Variants in DOCK1 observed in about 807,000 individuals in gnomAD.
The protein encoded by DOCK1 is dedicator of cytokinesis 1.
DOCK1 carries 138 observed loss-of-function variants against 262.7 expected under a neutral mutation model. That is an observed-to-expected ratio of 0.53 (90% CI 0.46 to 0.61). DOCK1 has a LOEUF of 0.61. Among genes scored for constraint, DOCK1 ranks in the 20% least tolerant of loss-of-function variants. The pLI, the probability that DOCK1 is intolerant of heterozygous loss-of-function variation, is 0.00. For synonymous variants in DOCK1, 866 were observed against 867.4 expected (o/e 1.00, Z 0.03); for missense variants, 1,908 against 2,370.7 (o/e 0.80, Z 4.05).
chr10:127,278,997 G>A (rs894957905), intron 29 of DOCK1, among the ~76,000 whole-genome samples: 1 of 152,228 alleles, frequency 6.6e-6, no homozygotes, highest in African/African-American at 2.4e-5. Context: ...ACAGTGCCAT[G>A]AACAGTCTGG....
intron 21 of DOCK1, among the ~76,000 whole-genome samples, chr10:127,052,034 G>A (rs538889325): frequency 6.6e-6 from 1 of 152,294 alleles, no homozygotes; most frequent in Admixed American, 6.5e-5. Context: ...TAACCTTGGG[G>A]AAGCTAGTGT....
Position 127,110,274 on chromosome 10 carries a change from A to G in DOCK1, c.2543A>G (p.Asn848Ser), listed in dbSNP as rs61758436. 66 of 1,613,480 alleles carry G rather than the reference A, an allele frequency of 4.1e-5. No individual in the cohort carries two copies. Among genetic ancestry groups the G allele is most frequent in the East Asian group, 1.3e-4 (6 of 44,866 alleles). The change falls in exon 25 of 52, where the codon AAT becomes AGT. Residue 848 changes from asparagine (N) to serine (S), a missense_variant. Asn to Ser is a conservative substitution (Grantham distance 46, BLOSUM62 1). Transcript: ENST00000623213. ...LSKMFTEFIL[N>S]VPMGLLTIQK... ...AAAATGTTTACTGAATTCATCCTCAATGTTCCCATGGGCTTGCTGACCATC... is the reference window on the plus strand; with the variant it reads ...AAAATGTTTACTGAATTCATCCTCAGTGTTCCCATGGGCTTGCTGACCATC...
intron 23 of DOCK1, among the ~76,000 whole-genome samples, chr10:127,072,701 C>G (rs890701978): frequency 6.6e-6 from 1 of 152,148 alleles, no homozygotes; most frequent in Non-Finnish European, 1.5e-5. Context: ...AATCCTAATC[C>G]CTTCTGTTCG....
rs553086798 is a variant in DOCK1 at position 127,042,208 on chromosome 10, C to T, written c.2011-417C>T. 1.8e-4 allele frequency among the ~76,000 whole-genome samples: 27 copies of T among 152,316 alleles called. No homozygotes were observed. The South Asian group carries it at 5.0e-3, about 28-fold the overall frequency. On this transcript the variant is annotated intron_variant, in intron 19 of 51. Coordinates refer to ENST00000623213, the MANE Select transcript of DOCK1 (RefSeq NM_001290223.2). ...GCACCCTGGTTGGTAGAAGGTCCTT[C>T]CTTCCACTCAGCTGGGTCCTGTCCC...
chr10:127,251,051 C>A (rs1434631111), intron 28 of DOCK1, among the ~76,000 whole-genome samples: 1 of 151,986 alleles, frequency 6.6e-6, no homozygotes, highest in Admixed American at 6.6e-5. Context: ...CAACCTCCTC[C>A]TCCAGGGTTC....
intron 11 of DOCK1, among the ~76,000 whole-genome samples, chr10:127,010,090 C>T (rs144062281): frequency 0.013 from 1,951 of 150,040 alleles, 23 homozygotes; most frequent in Non-Finnish European, 0.019. Flanking sequence ...CAACTAGAGG[C>T]AAAGGTCTCT....
At chr10:127,338,501 T>G (rs1194507864) in intron 29 of DOCK1, among the ~76,000 whole-genome samples, 1 of 152,204 alleles carries the variant, frequency 6.6e-6, no homozygotes, top group East Asian at 1.9e-4. Context: ...TGGTCAAAAT[T>G]AGCATGTGGA....
At chr10:127,290,736 T>C (rs962438481) in intron 29 of DOCK1, among the ~76,000 whole-genome samples, 1 of 152,212 alleles carries the variant, frequency 6.6e-6, no homozygotes, top group Non-Finnish European at 1.5e-5. Flanking sequence ...TTGAGGTCCA[T>C]CCAGGTTGTT....
At chr10:127,427,987 C>A (rs907638770) in intron 47 of DOCK1, among the ~76,000 whole-genome samples, 1 of 152,190 alleles carries the variant, frequency 6.6e-6, no homozygotes, top group African/African-American at 2.4e-5. Context: ...GGTGAACAGG[C>A]CTGGAAATCA....
At chr10:126,987,026 G>C (rs971494470) in intron 4 of DOCK1, among the ~76,000 whole-genome samples, 22 of 152,328 alleles carry the variant, frequency 1.4e-4, no homozygotes, top group African/African-American at 5.3e-4. Flanking sequence ...ACATTTGGAA[G>C]CTGTAACCTC....
chr10:126,970,687 CT>C lies in DOCK1; in HGVS notation c.47-9del. The C allele has an allele frequency of 1.2e-6, 2 of 1,600,306 alleles. No individual in the cohort carries two copies. Among genetic ancestry groups the C allele is most frequent in the Non-Finnish European group, 1.7e-6 (2 of 1,167,988 alleles). Reference sequence around the variant, plus strand: ...CTTTACTATTACTAATATATTTCCCCTTTTTTCATCACAGCTTTTTATAACT... The same window carrying C: ...CTTTACTATTACTAATATATTTCCCCTTTTTCATCACAGCTTTTTATAACT... On this transcript the variant is annotated splice_polypyrimidine_tract_variant and intron_variant, in intron 1 of 51. Transcript: ENST00000623213.
chr10:127,241,340 T>A (rs542485593), intron 27 of DOCK1, among the ~76,000 whole-genome samples: 11 of 152,116 alleles, frequency 7.2e-5, no homozygotes, highest in Admixed American at 5.2e-4. Context: ...CAATAATAAT[T>A]ATTATTATTG....
intron 28 of DOCK1, among the ~76,000 whole-genome samples, chr10:127,250,820 A>G (rs201020897): frequency 0.32 from 42,401 of 132,934 alleles, 8,268 homozygotes; most frequent in South Asian, 0.56. Context: ...AAAAAAAAAA[A>G]AATGACGTTT....
At chr10:127,361,995 T>C in intron 32 of DOCK1, 69 bp from the exon 33 acceptor site, 1 of 1,460,322 alleles carries the variant, frequency 6.8e-7, no homozygotes, top group Non-Finnish European at 9.2e-7. Flanking sequence ...TGTGTTGTTT[T>C]ATCCATTTAA....
chr10:127,306,928 C>G lies in DOCK1; in HGVS notation c.3045-32078C>G, dbSNP rs905607139. Among the ~76,000 whole-genome samples the G allele has an allele frequency of 3.3e-5, 5 of 152,110 alleles. No homozygotes were observed. In the East Asian group the frequency reaches 9.7e-4, roughly 29 times the overall value. On this transcript the variant is annotated intron_variant, in intron 29 of 51. Transcript: ENST00000623213. The stretch of plus-strand genomic sequence containing the variant: ...ACATGTATTATGTGCAAAGTGTACC[C>G]GTTAAATTCACCATAATTGAAAGAT...
At position 126,948,317 on chromosome 10, in the gene DOCK1, A is replaced by G. The variant is rs1289308186; in HGVS notation, c.47-22385A>G. Reference sequence around the variant, plus strand: ...GTTGGTAGTATTACTGTTGGTGGTGATGGTGGTGGTTGGTAGTATTACTGT... The same window carrying G: ...GTTGGTAGTATTACTGTTGGTGGTGGTGGTGGTGGTTGGTAGTATTACTGT... On this transcript the variant is annotated intron_variant, in intron 1 of 51. Coordinates refer to ENST00000623213, the MANE Select transcript of DOCK1 (RefSeq NM_001290223.2). 4.7e-3 allele frequency among the ~76,000 whole-genome samples: 16 copies of G among 3,404 alleles called. 4 individuals are homozygous for G. Among genetic ancestry groups the G allele is most frequent in the African/African-American group, 6.8e-3 (4 of 590 alleles). 2.2% of individuals were successfully genotyped at this position (3,404 alleles called of 152,430 possible).
intron 23 of DOCK1, among the ~76,000 whole-genome samples, chr10:127,086,685 A>G (rs886822507): frequency 6.6e-6 from 1 of 152,206 alleles, no homozygotes; most frequent in Non-Finnish European, 1.5e-5. Flanking sequence ...TGGTTCTTAA[A>G]AAGTCCCGTG....
At chr10:127,107,694 C>G (rs778111092) in intron 24 of DOCK1, among the ~76,000 whole-genome samples, 1 of 152,190 alleles carries the variant, frequency 6.6e-6, no homozygotes, top group Non-Finnish European at 1.5e-5. Context: ...GAATTAGAAA[C>G]TGCACAGTGG....
chr10:126,987,695 T>A, intron 5 of DOCK1, 78 bp downstream of exon 5: 1 of 1,280,534 alleles, frequency 7.8e-7, no homozygotes, highest in Non-Finnish European at 1.1e-6. Context: ...AATGGGATGT[T>A]TTTTTTTCTC....
Sources: allele counts gnomAD v4.1 joint callset (sites outside exome capture counted in the v4.1 genomes callset), GRCh38; gene constraint gnomAD v4.1.1; transcripts MANE v1.5; gene names NCBI Gene and HGNC (gene_info 2026-07-23, HGNC 2026-07-21).